The following TMEM132D variants were observed in gnomAD, a reference collection of about 807,000 sequenced individuals.
TMEM132D encodes transmembrane protein 132D, also known as mature OL transmembrane protein.
TMEM132D carries 21 observed loss-of-function variants against 62.3 expected under a neutral mutation model. The observed-to-expected ratio is 0.34, with a 90% CI of 0.24 to 0.49. The LOEUF is 0.49. Ranked by LOEUF, TMEM132D falls within the 20% of genes least tolerant of loss-of-function variation. The pLI is 0.99. For synonymous variants in TMEM132D, 621 were observed against 575.6 expected, an observed-to-expected ratio of 1.08 and a Z score of -1.13; for missense variants, 1,346 against 1,402.8, an observed-to-expected ratio of 0.96 and a Z score of 0.65.
intron 2 of TMEM132D, among the ~76,000 whole-genome samples, chr12:129,552,796 G>A (rs186068331): frequency 8.6e-5 from 13 of 151,862 alleles, no homozygotes; most frequent in South Asian, 4.1e-4. Flanking sequence ...TACCTATTAC[G>A]TATCTATCTA....
intron 1 of TMEM132D, among the ~76,000 whole-genome samples, chr12:129,769,704 A>T (rs1870670029): frequency 6.6e-6 from 1 of 152,176 alleles, no homozygotes; most frequent in Admixed American, 6.5e-5. Context: ...GAAGGCTATT[A>T]AAAACAAGTG....
chr12:129,768,422 G>C lies in TMEM132D; in HGVS notation c.80-67724C>G, dbSNP rs192717701. Among the ~76,000 whole-genome samples the C allele has an allele frequency of 2.0e-5, 3 of 151,992 alleles. No homozygotes were observed. The East Asian group carries it at 5.8e-4, about 30-fold the overall frequency. On this transcript the variant is annotated intron_variant, in intron 1 of 8. Coordinates refer to ENST00000422113, the MANE Select transcript of TMEM132D (RefSeq NM_133448.3). Reference sequence around the variant, plus strand: ...GGTGTAAGGTGACAGTTATCTCATTGTGGTGAGGAGAATGTGGTTTTTAAT... The same window carrying C: ...GGTGTAAGGTGACAGTTATCTCATTCTGGTGAGGAGAATGTGGTTTTTAAT...
At chr12:129,226,518 C>T (rs1332445471) in intron 4 of TMEM132D, among the ~76,000 whole-genome samples, 3 of 152,190 alleles carry the variant, frequency 2.0e-5, no homozygotes, top group Non-Finnish European at 4.4e-5. Flanking sequence ...GGTTCTAACC[C>T]GGGGCCTTGG....
At chr12:129,487,315 C>A (rs556240338) in intron 3 of TMEM132D, among the ~76,000 whole-genome samples, 2 of 152,060 alleles carry the variant, frequency 1.3e-5, no homozygotes, top group Non-Finnish European at 2.9e-5. Flanking sequence ...CACTGTGGTA[C>A]GATGTTTGGC....
intron 1 of TMEM132D, among the ~76,000 whole-genome samples, chr12:129,817,087 G>A (rs959601015): frequency 6.6e-6 from 1 of 152,182 alleles, no homozygotes; most frequent in African/African-American, 2.4e-5. Flanking sequence ...GCAAAAGAAT[G>A]GTGAAAGCTG....
intron 5 of TMEM132D, among the ~76,000 whole-genome samples, chr12:129,096,459 G>T (rs1336771937): frequency 6.6e-6 from 1 of 152,200 alleles, no homozygotes; most frequent in Non-Finnish European, 1.5e-5. Flanking sequence ...CACCGGAGGG[G>T]TCTGGAGCAA....
intron 3 of TMEM132D, among the ~76,000 whole-genome samples, chr12:129,434,951 A>G (rs1222271765): frequency 2.0e-5 from 3 of 152,086 alleles, no homozygotes; most frequent in Admixed American, 6.5e-5. Flanking sequence ...ATGGCCCAAT[A>G]GCTCACCATC....
At chr12:129,780,908 G>A (rs931947668) in intron 1 of TMEM132D, among the ~76,000 whole-genome samples, 1 of 152,190 alleles carries the variant, frequency 6.6e-6, no homozygotes, top group African/African-American at 2.4e-5. Context: ...TCCAGTAACA[G>A]CCATAGTCAG....
chr12:129,321,810 C>T (rs55992719), intron 4 of TMEM132D, among the ~76,000 whole-genome samples: 1 of 152,184 alleles, frequency 6.6e-6, no homozygotes, highest in Non-Finnish European at 1.5e-5. Context: ...CCACCCGCCT[C>T]GGCCTCCCAA....
intron 3 of TMEM132D, among the ~76,000 whole-genome samples, chr12:129,344,712 G>T (rs776293248): frequency 9.2e-5 from 14 of 152,088 alleles, no homozygotes; most frequent in Non-Finnish European, 1.8e-4. Context: ...CTTGCTGCAT[G>T]AATCAATTTC....
intron 3 of TMEM132D, among the ~76,000 whole-genome samples, chr12:129,506,774 A>C (rs1875343907): frequency 1.3e-5 from 2 of 152,234 alleles, no homozygotes; most frequent in Admixed American, 1.3e-4. Context: ...TAACATCAGA[A>C]AAACTCTTCT....
chr12:129,618,856 A>G lies in TMEM132D; in HGVS notation c.968+80954T>C, dbSNP rs911016309. ...TTGCTTTTATATACTTTAGGAAGAC[A>G]GAAGACATCAATCTCTACATGTAAG... On this transcript the variant is annotated intron_variant, in intron 2 of 8. Coordinates refer to ENST00000422113, the MANE Select transcript of TMEM132D (RefSeq NM_133448.3). Among the ~76,000 whole-genome samples the G allele has an allele frequency of 4.3e-4, 65 of 152,226 alleles. 1 individual carries two copies. The highest frequency in any genetic ancestry group is 1.2e-4 in the Non-Finnish European group (8 of 68,040).
chr12:129,142,844 A>C (rs1292226155), intron 5 of TMEM132D, among the ~76,000 whole-genome samples: 2 of 152,120 alleles, frequency 1.3e-5, no homozygotes, highest in African/African-American at 4.8e-5. Context: ...CAGCAGCTCT[A>C]GGTACTTTTC....
chr12:129,847,238 G>A (rs539123839), intron 1 of TMEM132D, among the ~76,000 whole-genome samples: 45 of 152,290 alleles, frequency 3.0e-4, no homozygotes, highest in Admixed American at 8.5e-4. Context: ...TTCCTGGGCA[G>A]GTCCTGAACT....
chr12:129,783,045 T>TAAACTTA (rs1870167735), intron 1 of TMEM132D, among the ~76,000 whole-genome samples: 1 of 152,238 alleles, frequency 6.6e-6, no homozygotes. Flanking sequence ...TCTTTGCTAG[T>TAAACTTA]AAACGTCGCC....
chr12:129,348,609 G>C (rs1056139807), intron 3 of TMEM132D, among the ~76,000 whole-genome samples: 19 of 152,006 alleles, frequency 1.2e-4, no homozygotes, highest in South Asian at 8.3e-4. Flanking sequence ...ATACATGCTG[G>C]GCTTAAAACC....
At chr12:129,198,222 G>C (rs528589216) in intron 5 of TMEM132D, among the ~76,000 whole-genome samples, 1 of 152,332 alleles carries the variant, frequency 6.6e-6, no homozygotes, top group East Asian at 1.9e-4. Flanking sequence ...TTTGTACACT[G>C]TTGGTGGTAC....
chr12:129,157,349 T>C (rs528453399), intron 5 of TMEM132D, among the ~76,000 whole-genome samples: 1 of 152,360 alleles, frequency 6.6e-6, no homozygotes, highest in African/African-American at 2.4e-5. Context: ...GGGGACACAT[T>C]CAAACTAGAG....
At chr12:129,497,754 G>A (rs181525877) in intron 3 of TMEM132D, among the ~76,000 whole-genome samples, 2 of 151,792 alleles carry the variant, frequency 1.3e-5, no homozygotes, top group East Asian at 1.9e-4. Context: ...CGACTTCCCC[G>A]ACTTAAGCAA....
Sources: gnomAD v4.1 joint callset for allele counts (sites outside exome capture counted in the v4.1 genomes callset) on GRCh38, gnomAD v4.1.1 for gene constraint, MANE v1.5 for transcripts, NCBI Gene and HGNC (gene_info 2026-07-23, HGNC 2026-07-21) for gene names.